Variants in PAX2 observed in about 807,000 individuals in gnomAD.
PAX2 encodes paired box protein Pax-2.
A neutral mutation model predicts 41.7 loss-of-function variants in PAX2; 9 were observed. The ratio of observed to expected loss-of-function variants is 0.22; its 90% CI spans 0.13 to 0.38. The LOEUF is 0.38. Ranked by LOEUF, PAX2 falls within the 10% of genes least tolerant of loss-of-function variation. PAX2 has a pLI of 1.00. For synonymous variants in PAX2, 221 were observed against 212.7 expected, an observed-to-expected ratio of 1.04 and a Z score of -0.34; for missense variants, 418 against 531.6, an observed-to-expected ratio of 0.79 and a Z score of 2.10.
intron 5 of PAX2, among the ~76,000 whole-genome samples, chr10:100,798,886 G>A (rs983684683): frequency 9.2e-5 from 14 of 152,236 alleles, no homozygotes; most frequent in Non-Finnish European, 1.8e-4. Context: ...CGCCGTGGGG[G>A]TGGGGCTGGG....
intron 3 of PAX2, among the ~76,000 whole-genome samples, chr10:100,752,489 T>G (rs1371820355): frequency 6.6e-6 from 1 of 152,110 alleles, no homozygotes; most frequent in Non-Finnish European, 1.5e-5. Context: ...AGAGACTCAG[T>G]CTCTTGGCTG....
chr10:100,760,576 G>T (rs991096202), intron 3 of PAX2, among the ~76,000 whole-genome samples: 2 of 152,156 alleles, frequency 1.3e-5, no homozygotes, highest in African/African-American at 4.8e-5. Flanking sequence ...GTGTAGTATC[G>T]CACTAGGAGA....
chr10:100,809,915 G>A (rs1847934226), intron 7 of PAX2, among the ~76,000 whole-genome samples: 1 of 152,232 alleles, frequency 6.6e-6, no homozygotes, highest in South Asian at 2.1e-4. Context: ...GTTTGGAAGG[G>A]GAGGTGGAGT....
At chr10:100,812,001 CA>C (rs1445181283) in intron 7 of PAX2, among the ~76,000 whole-genome samples, 2 of 152,328 alleles carry the variant, frequency 1.3e-5, no homozygotes, top group East Asian at 3.9e-4. Flanking sequence ...CCACTTGATG[CA>C]GCTATTCCAC....
intron 3 of PAX2, among the ~76,000 whole-genome samples, chr10:100,760,313 G>T (rs2133856696): frequency 6.6e-6 from 1 of 152,310 alleles, no homozygotes; most frequent in South Asian, 2.1e-4. Context: ...CAGAATGAAA[G>T]TCCCTGTTAT....
Position 100,746,111 on chromosome 10 carries a change from G to GCC in PAX2, c.-145_-144dup. On this transcript the variant is annotated 5_prime_UTR_variant, in exon 1 of 10. Transcript: ENST00000355243. ...GCCCCAGCGGGGAGCGCAGTGCTGC[G>GCC]CCCCCCGCCCCCGCGCGCCCCGCAG... The GCC allele has an allele frequency of 3.9e-6, 6 of 1,529,746 alleles. No individual in the cohort carries two copies. Among genetic ancestry groups the GCC allele is most frequent in the Admixed American group, 1.9e-5 (1 of 53,900 alleles). The allele number at this position is 1,529,746 out of a possible 1,614,324, so 94.8% of individuals were successfully genotyped here. A position where few individuals can be genotyped will look rare whatever the true frequency, so the allele number is the denominator to read the frequency against.
chr10:100,760,049 G>A (rs908536022), intron 3 of PAX2, among the ~76,000 whole-genome samples: 1 of 152,162 alleles, frequency 6.6e-6, no homozygotes, highest in African/African-American at 2.4e-5. Flanking sequence ...GATTTTGGAG[G>A]GCAAGCAGTG....
At chr10:100,803,123 C>T (rs1847625029) in intron 5 of PAX2, among the ~76,000 whole-genome samples, 1 of 152,140 alleles carries the variant, frequency 6.6e-6, no homozygotes, top group Non-Finnish European at 1.5e-5. Flanking sequence ...TCTCCTTCCC[C>T]TGCAAAGCCA....
In PAX2 at chr10:100,820,419, T is replaced by TA. The variant is rs1564744432; in HGVS notation, c.920-4224dup. 2.6e-5 allele frequency among the ~76,000 whole-genome samples: 4 copies of TA among 152,346 alleles called. No homozygotes were observed. The South Asian group carries it at 8.3e-4, about 32-fold the overall frequency. ...CATCATCTGGAAGGCTATTCATCTT[T>TA]AAAAACTTTGTAACCTTGGCCAGGC... On this transcript the variant is annotated intron_variant, in intron 7 of 9. Coordinates refer to ENST00000355243, the MANE Select transcript of PAX2 (RefSeq NM_000278.5).
At chr10:100,765,399 AC>A (rs1161879896) in intron 3 of PAX2, among the ~76,000 whole-genome samples, 1 of 152,160 alleles carries the variant, frequency 6.6e-6, no homozygotes, top group Admixed American at 6.5e-5. Flanking sequence ...TGGCTGTAAG[AC>A]CCACACCCAA....
chr10:100,745,732 C>T lies in PAX2; in HGVS notation c.-529C>T. On this transcript the variant is annotated 5_prime_UTR_variant, in exon 1 of 10. Transcript: ENST00000355243. ...GGGGCGGGGGCCTGGCCCGCGCGCT[C>T]CCCTCCCGCAGGCGCCACCTCGGAC... 9.7e-7 allele frequency: 1 copy of T among 1,034,430 alleles called. No homozygotes were observed. The highest frequency in any genetic ancestry group is 1.2e-6 in the Non-Finnish European group (1 of 860,042). 64.1% of individuals were successfully genotyped at this position (1,034,430 alleles called of 1,614,324 possible).
At chr10:100,786,928 T>C in intron 5 of PAX2, 1 of 1,373,268 alleles carries the variant, frequency 7.3e-7, no homozygotes, top group Non-Finnish European at 9.8e-7. Flanking sequence ...TTTGTCTGTC[T>C]CTTATTTGCT....
At chr10:100,779,627 A>G in intron 4 of PAX2, 44 bp downstream of exon 4, 1 of 1,457,740 alleles carries the variant, frequency 6.9e-7, no homozygotes, top group Non-Finnish European at 9.4e-7. Flanking sequence ...TCCCACCTAG[A>G]GAAAGGCAGG....
At chr10:100,804,139 G>A (rs962633394) in intron 5 of PAX2, among the ~76,000 whole-genome samples, 3 of 152,228 alleles carry the variant, frequency 2.0e-5, no homozygotes, top group Admixed American at 1.3e-4. Flanking sequence ...TCTGCGGGCC[G>A]GGGAGAGAGC....
chr10:100,783,538 A>C (rs1209594757), intron 5 of PAX2, among the ~76,000 whole-genome samples: 1 of 152,168 alleles, frequency 6.6e-6, no homozygotes, highest in Non-Finnish European at 1.5e-5. Flanking sequence ...TTGGCCAGCC[A>C]CTGCAGGGCA....
chr10:100,801,371 G>A (rs554579042), intron 5 of PAX2, among the ~76,000 whole-genome samples: 1 of 152,350 alleles, frequency 6.6e-6, no homozygotes, highest in South Asian at 2.1e-4. Context: ...AAGACAATAT[G>A]AGCTTTGTTA....
At chr10:100,812,219 C>T (rs758060389) in intron 7 of PAX2, among the ~76,000 whole-genome samples, 12 of 152,160 alleles carry the variant, frequency 7.9e-5, no homozygotes, top group African/African-American at 1.4e-4. Flanking sequence ...CAAGTTCTGC[C>T]GAGATTTTAA....
At chr10:100,751,017 A>C in intron 3 of PAX2, 126 bp downstream of exon 3, 5 of 777,562 alleles carry the variant, frequency 6.4e-6, no homozygotes, top group Admixed American at 2.0e-5. Flanking sequence ...CCAGCCCCAA[A>C]TCCTTCTGTC....
intron 3 of PAX2, among the ~76,000 whole-genome samples, chr10:100,767,759 G>A (rs555197270): frequency 2.6e-5 from 4 of 152,212 alleles, no homozygotes; most frequent in South Asian, 2.1e-4. Flanking sequence ...TATGTGACTC[G>A]CACGAGTCAG....
Sources: gnomAD v4.1 joint callset for allele counts (sites outside exome capture counted in the v4.1 genomes callset) on GRCh38, gnomAD v4.1.1 for gene constraint, MANE v1.5 for transcripts, NCBI Gene and HGNC (gene_info 2026-07-23, HGNC 2026-07-21) for gene names.